DPP10: variants seen among roughly 807,000 people sequenced by gnomAD.
DPP10 encodes the protein inactive dipeptidyl peptidase 10.
In DPP10, 33 loss-of-function variants were observed where a neutral mutation model predicts 120.9. That is an observed-to-expected ratio of 0.27 (90% CI 0.21 to 0.37). The LOEUF (loss-of-function observed/expected upper bound fraction) is 0.37, where lower values mean the gene tolerates loss of function less well. DPP10 is among the 10% of genes least tolerant of loss of function. The pLI is 1.00. For synonymous variants in DPP10, 337 were observed against 326.1 expected, an observed-to-expected ratio of 1.03 and a Z score of -0.36; for missense variants, 816 against 942.8, an observed-to-expected ratio of 0.87 and a Z score of 1.76.
At chr2:115,489,219 A>T (rs2075958197) in intron 3 of DPP10, among the ~76,000 whole-genome samples, 1 of 152,014 alleles carries the variant, frequency 6.6e-6, no homozygotes, top group Admixed American at 6.6e-5. Flanking sequence ...CATGAGCAAT[A>T]AATAGATGTA....
intron 1 of DPP10, among the ~76,000 whole-genome samples, chr2:115,059,216 G>T (rs922458826): frequency 4.5e-5 from 6 of 134,060 alleles, no homozygotes; most frequent in Non-Finnish European, 8.4e-5. Context: ...CAGAAGGAAA[G>T]ATTTAAAAAG....
intron 1 of DPP10, among the ~76,000 whole-genome samples, chr2:114,722,839 C>CT (rs1386350864): frequency 1.4e-5 from 2 of 144,948 alleles, no homozygotes; most frequent in Non-Finnish European, 3.0e-5. Context: ...GTAAAGCCTT[C>CT]TTTTTACTAG....
intron 1 of DPP10, among the ~76,000 whole-genome samples, chr2:115,005,762 G>T (rs1372377522): frequency 6.6e-6 from 1 of 151,996 alleles, no homozygotes; most frequent in Non-Finnish European, 1.5e-5. Context: ...GAAAGTGATG[G>T]GGAGAATGGA....
chr2:114,793,994 G>A (rs1322409346), intron 1 of DPP10, among the ~76,000 whole-genome samples: 1 of 152,140 alleles, frequency 6.6e-6, no homozygotes, highest in Non-Finnish European at 1.5e-5. Flanking sequence ...GACAAAGTGT[G>A]CTTTCAAACA....
intron 3 of DPP10, among the ~76,000 whole-genome samples, chr2:115,398,632 G>T (rs1481383692): frequency 2.0e-5 from 3 of 151,852 alleles, no homozygotes; most frequent in Non-Finnish European, 2.9e-5. Flanking sequence ...ATAGTCTATG[G>T]TGTCCTAGAA....
chr2:114,987,031 C>T (rs1279053765), intron 1 of DPP10, among the ~76,000 whole-genome samples: 9 of 152,064 alleles, frequency 5.9e-5, no homozygotes, highest in Non-Finnish European at 7.4e-5. Flanking sequence ...CCTCCCACCT[C>T]GGCCTCCCAA....
intron 16 of DPP10, among the ~76,000 whole-genome samples, 157 bp downstream of exon 16, chr2:115,781,152 C>T (rs570479691): frequency 6.6e-6 from 1 of 151,666 alleles, no homozygotes; most frequent in South Asian, 2.1e-4. Flanking sequence ...TACTGAGATA[C>T]AATTTTTTAC....
Position 115,464,354 on chromosome 2 carries a change from G to A in DPP10, c.272-35156G>A, listed in dbSNP as rs571753066. The stretch of plus-strand genomic sequence containing the variant: ...GACAAAAATATCTTCTTAATGGTCT[G>A]GAGAGCCAGATTTGAATTGAGAATC... On this transcript the variant is annotated intron_variant, in intron 3 of 25. Transcript: ENST00000410059. 8.3e-4 allele frequency among the ~76,000 whole-genome samples: 126 copies of A among 152,020 alleles called. No individual in the cohort carries two copies. In the Middle Eastern group the frequency reaches 0.014, roughly 17 times the overall value.
At chr2:115,187,582 C>T (rs949595778) in intron 1 of DPP10, among the ~76,000 whole-genome samples, 2 of 152,072 alleles carry the variant, frequency 1.3e-5, no homozygotes, top group African/African-American at 4.8e-5. Flanking sequence ...TGGTCCAGGA[C>T]ACCTAGGAAG....
chr2:115,405,897 C>T (rs1050849691), intron 3 of DPP10, among the ~76,000 whole-genome samples: 1 of 152,140 alleles, frequency 6.6e-6, no homozygotes, highest in African/African-American at 2.4e-5. Flanking sequence ...ATAGGAGAAA[C>T]AGCCTGGAAG....
intron 1 of DPP10, among the ~76,000 whole-genome samples, chr2:114,867,264 C>A (rs1157508666): frequency 1.3e-5 from 2 of 152,080 alleles, no homozygotes; most frequent in African/African-American, 2.4e-5. Context: ...AAGATCCTCA[C>A]CTTTTGAGCA....
At chr2:114,606,551 G>C (rs181781062) in intron 1 of DPP10, among the ~76,000 whole-genome samples, 7 of 152,154 alleles carry the variant, frequency 4.6e-5, no homozygotes, top group Admixed American at 2.6e-4. Flanking sequence ...CTTATTCACA[G>C]TCTCATATAT....
At chr2:115,675,176 G>T (rs1244457143) in intron 5 of DPP10, among the ~76,000 whole-genome samples, 1 of 152,136 alleles carries the variant, frequency 6.6e-6, no homozygotes, top group East Asian at 1.9e-4. Context: ...GTTAAGTCAT[G>T]TGTTCAAGTT....
intron 1 of DPP10, among the ~76,000 whole-genome samples, chr2:114,802,246 T>G (rs1166531190): frequency 6.6e-6 from 1 of 152,154 alleles, no homozygotes; most frequent in Admixed American, 6.6e-5. Context: ...TGTGCATAAT[T>G]TATAATGAGA....
At chr2:115,146,232 T>C (rs541284870) in intron 1 of DPP10, among the ~76,000 whole-genome samples, 8 of 152,186 alleles carry the variant, frequency 5.3e-5, no homozygotes, top group African/African-American at 1.9e-4. Flanking sequence ...AGGATGGTGA[T>C]AAAAATTCAG....
intron 3 of DPP10, among the ~76,000 whole-genome samples, chr2:115,364,163 T>C (rs569370579): frequency 2.0e-4 from 30 of 152,164 alleles, no homozygotes; most frequent in African/African-American, 7.0e-4. Flanking sequence ...TTTTTCTTTG[T>C]TTTGGCCAAC....
At chr2:114,564,073 AT>A (rs966822503) in intron 1 of DPP10, among the ~76,000 whole-genome samples, 2 of 152,214 alleles carry the variant, frequency 1.3e-5, no homozygotes, top group African/African-American at 4.8e-5. Context: ...TTTGTGCTCC[AT>A]TTTTTCCAAG....
At chr2:115,760,219 A>G (rs1036444713) in intron 11 of DPP10, among the ~76,000 whole-genome samples, 14 of 152,214 alleles carry the variant, frequency 9.2e-5, no homozygotes, top group Non-Finnish European at 1.3e-4. Context: ...TATCTACACA[A>G]TGGAATTCTA....
At chr2:115,689,163 T>C (rs1450789191) in intron 5 of DPP10, among the ~76,000 whole-genome samples, 1 of 152,112 alleles carries the variant, frequency 6.6e-6, no homozygotes, top group Non-Finnish European at 1.5e-5. Context: ...TGGATTTCAG[T>C]AGAAGAAATC....
Sources: gnomAD v4.1 joint callset for allele counts (sites outside exome capture counted in the v4.1 genomes callset) on GRCh38, gnomAD v4.1.1 for gene constraint, MANE v1.5 for transcripts, NCBI Gene and HGNC (gene_info 2026-07-23, HGNC 2026-07-21) for gene names.